The following DSG3 variants were observed in gnomAD, a reference collection of about 807,000 sequenced individuals.
DSG3 encodes desmoglein-3.
DSG3 carries 63 observed loss-of-function variants against 85.9 expected under a neutral mutation model. That is an observed-to-expected ratio of 0.73 (90% CI 0.60 to 0.90). DSG3 has a LOEUF of 0.90. DSG3 is among the 40% of genes least tolerant of loss of function. The pLI, the probability that DSG3 is intolerant of heterozygous loss-of-function variation, is 0.00. For synonymous variants in DSG3, 447 were observed against 441.9 expected, an observed-to-expected ratio of 1.01 and a Z score of -0.14; for missense variants, 1,220 against 1,219.9, an observed-to-expected ratio of 1.00 and a Z score of 0.00.
At chr18:31,448,036 G>A (rs2072689147) in intron 1 of DSG3, 111 bp downstream of exon 1, 1 of 707,748 alleles carries the variant, frequency 1.4e-6, no homozygotes, top group Non-Finnish European at 2.1e-6. Context: ...GGAGTGCAGT[G>A]GAAATCAACA....
chr18:31,471,922 A>G (rs911552890), intron 12 of DSG3, among the ~76,000 whole-genome samples: 2 of 152,216 alleles, frequency 1.3e-5, no homozygotes, highest in Non-Finnish European at 2.9e-5. Flanking sequence ...ACCTGACACA[A>G]TATACATAGC....
rs528821068 is a variant in DSG3, at chr18:31,455,302, T to C, written c.49-1138T>C. On this transcript the variant is annotated intron_variant, in intron 1 of 15. Transcript: ENST00000257189. ...ACTGTTATTACTCTTCTAGTTTTTT[T>C]TTTCTTCTGACTTATTTTCCACCAT... Among the ~76,000 whole-genome samples the C allele has an allele frequency of 5.9e-5, 9 of 152,316 alleles. No homozygotes were observed. The East Asian group carries it at 1.5e-3, about 26-fold the overall frequency.
chr18:31,475,546 T>A (rs1598788918), intron 15 of DSG3, 100 bp from the exon 16 acceptor site: 1 of 1,388,366 alleles, frequency 7.2e-7, no homozygotes. Context: ...GATTACCTAG[T>A]TTGGGCATTC....
At chr18:31,471,352 A>G (rs1418423095) in intron 12 of DSG3, among the ~76,000 whole-genome samples, 2 of 152,218 alleles carry the variant, frequency 1.3e-5, no homozygotes, top group African/African-American at 4.8e-5. Context: ...TGTAGATACT[A>G]TTTATTCCCC....
At chr18:31,461,563 G>A (rs747939169) in intron 8 of DSG3, 151 bp downstream of exon 8, 71 of 743,784 alleles carry the variant, frequency 9.5e-5, no homozygotes, top group Non-Finnish European at 1.3e-4. Flanking sequence ...CCATAGAGCC[G>A]CTTTACCTGA....
intron 14 of DSG3, among the ~76,000 whole-genome samples, chr18:31,473,441 T>C (rs1258806242): frequency 6.6e-6 from 1 of 152,214 alleles, no homozygotes; most frequent in African/African-American, 2.4e-5. Flanking sequence ...TAATACTTAA[T>C]GCCTAATATT....
chr18:31,472,686 T>G (rs766530270), intron 13 of DSG3, 39 bp from the exon 14 acceptor site: 1 of 1,605,224 alleles, frequency 6.2e-7, no homozygotes, highest in African/African-American at 1.3e-5. Flanking sequence ...TGAAATCTGG[T>G]TCACTTTTAA....
chr18:31,462,212 G>A (rs187401984), intron 8 of DSG3, among the ~76,000 whole-genome samples: 56 of 152,006 alleles, frequency 3.7e-4, no homozygotes, highest in Admixed American at 2.2e-3. Context: ...AGCAGGGTCC[G>A]CATCATGTGC....
intron 3 of DSG3, among the ~76,000 whole-genome samples, chr18:31,457,422 T>A (rs1159672915): frequency 6.6e-6 from 1 of 152,288 alleles, no homozygotes; most frequent in South Asian, 2.1e-4. Context: ...AAATAATGCA[T>A]GTATAAGACA....
chr18:31,448,597 A>G (rs1040874379), intron 1 of DSG3, among the ~76,000 whole-genome samples: 19 of 151,906 alleles, frequency 1.3e-4, no homozygotes, highest in African/African-American at 4.6e-4. Context: ...GGAATGTTAC[A>G]GACTGTTTAA....
intron 1 of DSG3, among the ~76,000 whole-genome samples, chr18:31,455,526 T>C (rs1328317308): frequency 6.6e-6 from 1 of 152,220 alleles, no homozygotes; most frequent in Non-Finnish European, 1.5e-5. Flanking sequence ...GGGCTAAATT[T>C]CATGGTACAG....
At chr18:31,469,011 T>C (rs1049841301) in intron 11 of DSG3, 78 bp from the exon 12 acceptor site, 14 of 1,550,074 alleles carry the variant, frequency 9.0e-6, no homozygotes, top group Non-Finnish European at 1.2e-5. Flanking sequence ...CAGTCTGTGA[T>C]ATTCTGTTAT....
Position 31,464,311 on chromosome 18 carries a change from AT to A in DSG3, c.1202del (p.Leu401TrpfsTer35). ...TGCAAAAAGGCATAAGTAGCAAAAA[AT>A]TGGTGGATTATATCCTGGGAACATA... ...TVQKGISSKK[L>X]VDYILGTYQA... On this transcript the variant is annotated frameshift_variant, in exon 9 of 16. Coordinates refer to ENST00000257189, the MANE Select transcript of DSG3 (RefSeq NM_001944.3). LOFTEE classifies it high-confidence loss of function. The A allele has an allele frequency of 6.2e-7, 1 of 1,614,182 alleles. No homozygotes were observed. Among genetic ancestry groups the A allele is most frequent in the Non-Finnish European group, 8.5e-7 (1 of 1,180,012 alleles).
chr18:31,476,420 C>T lies in DSG3; in HGVS notation c.*160C>T. ...TATAAATTAAATGTTTGGGTTCATA[C>T]CCCAAAAGCAATATGTTGTCACTCC... On this transcript the variant is annotated 3_prime_UTR_variant, in exon 16 of 16. Coordinates refer to ENST00000257189, the MANE Select transcript of DSG3 (RefSeq NM_001944.3). 1 of 768,130 alleles carries T rather than the reference C, an allele frequency of 1.3e-6. No individual in the cohort carries two copies. Among genetic ancestry groups the T allele is most frequent in the African/African-American group, 1.7e-5 (1 of 57,316 alleles). 47.6% of individuals were successfully genotyped at this position (768,130 alleles called of 1,614,324 possible). A position where few individuals can be genotyped will look rare whatever the true frequency, so the allele number is the denominator to read the frequency against.
chr18:31,472,574 C>T (rs141974564), intron 13 of DSG3, 151 bp downstream of exon 13: 1 of 1,235,264 alleles, frequency 8.1e-7, no homozygotes, highest in East Asian at 2.5e-5. Flanking sequence ...TTTAGCTCTT[C>T]AGATGTCAAA....
chr18:31,448,493 G>A (rs2072692091), intron 1 of DSG3, among the ~76,000 whole-genome samples: 1 of 151,976 alleles, frequency 6.6e-6, no homozygotes, highest in Admixed American at 6.6e-5. Context: ...GGGATGGGGG[G>A]AAAGACATAC....
intron 3 of DSG3, 89 bp from the exon 4 acceptor site, chr18:31,458,356 A>G: frequency 7.4e-7 from 1 of 1,347,798 alleles, no homozygotes; most frequent in Admixed American, 2.2e-5. Context: ...AATCGAATGA[A>G]CAGATGACTT....
At chr18:31,462,119 C>T (rs992532731) in intron 8 of DSG3, among the ~76,000 whole-genome samples, 3 of 144,494 alleles carry the variant, frequency 2.1e-5, no homozygotes, top group African/African-American at 8.1e-5. Flanking sequence ...GTCATCTAGG[C>T]AAGAGTGCAG....
In DSG3 at chr18:31,458,597, C is replaced by A; in HGVS notation, c.369C>A (p.Phe123Leu). The A allele has an allele frequency of 6.2e-7, 1 of 1,612,436 alleles. No homozygotes were observed. The highest frequency in any genetic ancestry group is 8.5e-7 in the Non-Finnish European group (1 of 1,179,008). The change falls in exon 4 of 16, where the codon TTC (phenylalanine) becomes TTA (leucine). Residue 123 changes from phenylalanine (F) to leucine (L), a missense_variant. By Grantham distance (22) the Phe-to-Leu change is conservative (BLOSUM62 0). Transcript: ENST00000257189. ...AIVDREETPS[F>L]LITCRALNAQ... is the part of the protein sequence containing the mutation. The stretch of plus-strand genomic sequence containing the variant: ...TCGACCGGGAGGAAACTCCAAGCTT[C>A]CTGGTAAGTTTGGGTCCTCAACATT...
Sources: allele counts gnomAD v4.1 joint callset (sites outside exome capture counted in the v4.1 genomes callset), GRCh38; gene constraint gnomAD v4.1.1; transcripts MANE v1.5; gene names NCBI Gene and HGNC (gene_info 2026-07-23, HGNC 2026-07-21).